The following CDKN2B-AS1 variants were observed in gnomAD, a reference collection of about 807,000 sequenced individuals.
CDKN2B-AS1 encodes the protein CDKN2B antisense RNA 1 (non-protein coding).
intron 1 of CDKN2B-AS1, among the ~76,000 whole-genome samples, chr9:22,007,240 T>C (rs1444092067): frequency 6.6e-6 from 1 of 152,128 alleles, no homozygotes; most frequent in Non-Finnish European, 1.5e-5. Context: ...GGCGTGCCTG[T>C]AGTCCCAGCA....
intron 4 of CDKN2B-AS1, among the ~76,000 whole-genome samples, chr9:22,087,589 G>C (rs981769325): frequency 2.0e-5 from 3 of 152,086 alleles, no homozygotes; most frequent in African/African-American, 4.8e-5. Flanking sequence ...TATAATATTT[G>C]TCCTAAATAA....
chr9:22,127,449 A>T (rs1818035371), exon 5 of CDKN2B-AS1, among the ~76,000 whole-genome samples: 1 of 152,212 alleles, frequency 6.6e-6, no homozygotes, highest in Admixed American at 6.5e-5. Context: ...TTGAGGATGG[A>T]TTATTCATTA....
At chr9:22,090,519 T>TCTAA (rs1206574739) in intron 4 of CDKN2B-AS1, among the ~76,000 whole-genome samples, 3 of 152,198 alleles carry the variant, frequency 2.0e-5, no homozygotes, top group Non-Finnish European at 4.4e-5. Flanking sequence ...TGATCGCCAT[T>TCTAA]CTGACTGGTG....
intron 1 of CDKN2B-AS1, chr9:22,008,926 T>C (rs1456670839): frequency 6.2e-7 from 1 of 1,612,890 alleles, no homozygotes; most frequent in Non-Finnish European, 8.5e-7. Flanking sequence ...CCGCCCCCAC[T>C]GGGCATGCCC....
chr9:22,069,895 G>A (rs1439355714), intron 4 of CDKN2B-AS1, among the ~76,000 whole-genome samples: 1 of 151,720 alleles, frequency 6.6e-6, no homozygotes, highest in Non-Finnish European at 1.5e-5. Context: ...TGCAGAGTTC[G>A]CTCTGCCGCC....
At chr9:22,127,176 G>T (rs1376650034) in exon 5 of CDKN2B-AS1, among the ~76,000 whole-genome samples, 1 of 151,778 alleles carries the variant, frequency 6.6e-6, no homozygotes, top group East Asian at 2.0e-4. Flanking sequence ...CTGCTACCCA[G>T]GTTCAAGCGA....
chr9:22,098,907 A>G (rs1457174037), intron 4 of CDKN2B-AS1, among the ~76,000 whole-genome samples: 1 of 152,208 alleles, frequency 6.6e-6, no homozygotes, highest in Non-Finnish European at 1.5e-5. Context: ...CTGAATGCTT[A>G]CCGTGTTCAG....
Position 21,996,978 on chromosome 9 carries a change from G to A in CDKN2B-AS1, n.29+1817G>A, listed in dbSNP as rs1820718489. Among the ~76,000 whole-genome samples the A allele has an allele frequency of 6.6e-6, 1 of 152,188 alleles. No homozygotes were observed. Among genetic ancestry groups the A allele is most frequent in the South Asian group, 2.1e-4 (1 of 4,836 alleles). ...TCTCCAGGGAAACAGAACCCATTGTGTGTGTGTGCGTGCCAGTACCACACA... is the reference window on the plus strand; with the variant it reads ...TCTCCAGGGAAACAGAACCCATTGTATGTGTGTGCGTGCCAGTACCACACA... On this transcript the variant is annotated intron_variant and non_coding_transcript_variant, in intron 1 of 4. Transcript: ENST00000650946. The surrounding 1 kb of genome is among the most constrained non-coding windows in gnomAD (Gnocchi z 5.4).
At chr9:22,108,388 C>G (rs918794777) in intron 4 of CDKN2B-AS1, among the ~76,000 whole-genome samples, 4 of 152,128 alleles carry the variant, frequency 2.6e-5, no homozygotes, top group African/African-American at 9.7e-5. Flanking sequence ...CTTGGTCATT[C>G]AATAAGTAGT....
chr9:22,095,395 A>T (rs1353750561), intron 4 of CDKN2B-AS1, among the ~76,000 whole-genome samples: 2 of 144,368 alleles, frequency 1.4e-5, no homozygotes, highest in East Asian at 4.0e-4. Context: ...CATGTAGGTG[A>T]GCGGTTTTGA....
At chr9:22,089,610 C>A (rs1824995431) in intron 4 of CDKN2B-AS1, among the ~76,000 whole-genome samples, 1 of 150,914 alleles carries the variant, frequency 6.6e-6, no homozygotes, top group Admixed American at 6.6e-5. Flanking sequence ...TCTCTCTTTT[C>A]TTTTTTTTTC....
chr9:22,090,688 G>C (rs544965126), intron 4 of CDKN2B-AS1, among the ~76,000 whole-genome samples: 1 of 151,672 alleles, frequency 6.6e-6, no homozygotes, highest in Non-Finnish European at 1.5e-5. Flanking sequence ...TTTTTTTCTT[G>C]TAAATTTGTT....
chr9:22,074,064 T>A (rs1200846700), intron 4 of CDKN2B-AS1, among the ~76,000 whole-genome samples: 1 of 152,074 alleles, frequency 6.6e-6, no homozygotes, highest in East Asian at 1.9e-4. Context: ...GGTTTTGCCA[T>A]GTTGCCCAGG....
At chr9:22,067,896 T>G (rs1016627067) in intron 4 of CDKN2B-AS1, among the ~76,000 whole-genome samples, 14 of 152,172 alleles carry the variant, frequency 9.2e-5, no homozygotes, top group Non-Finnish European at 1.8e-4. Context: ...AATTTGCCTT[T>G]TCTCTTAAGA....
chr9:22,078,164 T>A (rs925609234), intron 4 of CDKN2B-AS1, among the ~76,000 whole-genome samples: 1 of 152,220 alleles, frequency 6.6e-6, no homozygotes, highest in Non-Finnish European at 1.5e-5. Flanking sequence ...CGATATGACT[T>A]GACTAGCATA....
chr9:22,092,346 T>C (rs1399085127), intron 4 of CDKN2B-AS1: 2 of 152,208 alleles, frequency 1.3e-5, no homozygotes, highest in East Asian at 1.9e-4. Flanking sequence ...ATAAAATGAG[T>C]TGGGGAGAAT....
chr9:22,020,916 A>G (rs555621669), intron 1 of CDKN2B-AS1, among the ~76,000 whole-genome samples: 82 of 152,094 alleles, frequency 5.4e-4, no homozygotes, highest in Non-Finnish European at 9.4e-4. Context: ...TTTTGATGCA[A>G]TTGCTCTGTG....
chr9:22,102,166 C>T (rs7859727), intron 4 of CDKN2B-AS1, among the ~76,000 whole-genome samples: 87,059 of 152,014 alleles, frequency 0.57, 25,879 homozygotes, highest in African/African-American at 0.74. Context: ...ATCTGAATGA[C>T]AGGCATTCCT....
rs539846785 is a variant in CDKN2B-AS1 at position 22,005,902 on chromosome 9, T to G, written n.29+10741T>G. 1.2e-5 allele frequency: 19 copies of G among 1,538,070 alleles called. No homozygotes were observed. In the African/African-American group the frequency reaches 2.6e-4, roughly 21 times the overall value. On this transcript the variant is annotated intron_variant and non_coding_transcript_variant, in intron 1 of 4. Transcript: ENST00000650946. This position sits in a 1 kb window ranked among gnomAD's most constrained non-coding sequence, Gnocchi z 4.9. ...TTACAGGCTTTCCGCCGCTCCCCGT[T>G]GGCAGCCTTCATCGAATTAGGTGGG...
Sources: gnomAD v4.1 joint callset for allele counts (sites outside exome capture counted in the v4.1 genomes callset) on GRCh38, gnomAD v4.1.1 for gene constraint, Gnocchi (gnomAD v3.1) non-coding constraint, MANE v1.5 for transcripts, NCBI Gene and HGNC (gene_info 2026-07-23, HGNC 2026-07-21) for gene names.